Variants in CNKSR2 observed in about 807,000 individuals in gnomAD.
CNKSR2 encodes the protein connector enhancer of kinase suppressor of Ras 2, also known as CNK homolog protein 2.
CNKSR2 carries 14 observed loss-of-function variants against 84.4 expected under a neutral mutation model. That is an observed-to-expected ratio of 0.17 (90% CI 0.11 to 0.26). The LOEUF (loss-of-function observed/expected upper bound fraction) is 0.26, where lower values mean the gene tolerates loss of function less well. Among genes scored for constraint, CNKSR2 ranks in the 10% least tolerant of loss-of-function variants. CNKSR2 has a pLI of 1.00. For missense variants in CNKSR2, 485 were observed against 771.2 expected (o/e 0.63, Z 4.40); for synonymous variants, 275 against 277.9 (o/e 0.99, Z 0.10).
chrX:21,605,704 A>G (rs1045386247), intron 18 of CNKSR2, among the ~76,000 whole-genome samples: 14 of 112,055 alleles, frequency 1.2e-4, no homozygotes, highest in Admixed American at 4.7e-4. Flanking sequence ...ATTAATATTA[A>G]TCAGCACTGC....
chrX:21,636,560 A>T lies in CNKSR2; in HGVS notation c.2693-12271A>T, dbSNP rs1202409838. Among the ~76,000 whole-genome samples the T allele has an allele frequency of 1.2e-4, 13 of 111,373 alleles. No individual in the cohort carries two copies. In the Admixed American group the frequency reaches 1.3e-3, roughly 11 times the overall value. ...ACCCAGGAATGGTTATTTTTACTAA[A>T]CTTGTCTCATTGGAGTTTAATGTGA... is the stretch of plus-strand genomic sequence containing the variant. On this transcript the variant is annotated intron_variant, in intron 20 of 21. Coordinates refer to ENST00000379510, the MANE Select transcript of CNKSR2 (RefSeq NM_014927.5).
intron 13 of CNKSR2, among the ~76,000 whole-genome samples, chrX:21,575,331 T>TA (rs746030620): frequency 3.2e-4 from 35 of 108,193 alleles, no homozygotes; most frequent in Non-Finnish European, 5.6e-4. Context: ...GTTTTTTTAT[T>TA]AAAAAAAAAA....
At chrX:21,484,106 A>G (rs1000194026) in intron 5 of CNKSR2, among the ~76,000 whole-genome samples, 4 of 111,798 alleles carry the variant, frequency 3.6e-5, no homozygotes, top group Non-Finnish European at 7.5e-5. Flanking sequence ...CCTGGCCAAC[A>G]TGGTGAAACC....
Position 21,451,874 on chromosome X carries a change from G to A in CNKSR2, c.519+11093G>A, listed in dbSNP as rs112665341. On this transcript the variant is annotated intron_variant, in intron 4 of 21. Transcript: ENST00000379510. ...AATAATAAAATAAAATAAAAAGAAA[G>A]CATAAAATATGTAAAGCTAGTAGAG... Among the ~76,000 whole-genome samples, 1,085 of 110,812 alleles carry A rather than the reference G, an allele frequency of 9.8e-3. 14 individuals are homozygous for A. Among genetic ancestry groups the A allele is most frequent in the African/African-American group, 0.033 (998 of 30,497 alleles).
chrX:21,466,794 A>T (rs1192428226), intron 4 of CNKSR2, among the ~76,000 whole-genome samples: 4 of 111,222 alleles, frequency 3.6e-5, no homozygotes, highest in African/African-American at 1.3e-4. Context: ...CATGTTGGCC[A>T]GGCTGGTCTT....
chrX:21,499,323 A>G lies in CNKSR2; in HGVS notation c.741+1477A>G, dbSNP rs577426214. On this transcript the variant is annotated intron_variant, in intron 7 of 21. Transcript: ENST00000379510. ...TAAAATAACTAGTTTGGTGCCATCA[A>G]GGCGTGGAGAGCATGTGGGGGTTCA... is the stretch of plus-strand genomic sequence containing the variant. 4.6e-4 allele frequency among the ~76,000 whole-genome samples: 51 copies of G among 111,817 alleles called. 1 individual carries two copies. The South Asian group carries it at 0.019, about 41-fold the overall frequency.
chrX:21,451,281 A>G (rs1449866118), intron 4 of CNKSR2, among the ~76,000 whole-genome samples: 1 of 111,654 alleles, frequency 9.0e-6, no homozygotes, highest in African/African-American at 3.3e-5. Context: ...TAGCAAATAA[A>G]TAACTGATGA....
intron 1 of CNKSR2, among the ~76,000 whole-genome samples, chrX:21,378,194 G>A (rs1178733427): frequency 9.0e-6 from 1 of 111,331 alleles, no homozygotes; most frequent in African/African-American, 3.3e-5. Flanking sequence ...TGGCTATTTG[G>A]AGATATCTTA....
chrX:21,644,449 A>G (rs1316731550), intron 20 of CNKSR2: 1 of 111,996 alleles, frequency 8.9e-6, no homozygotes, highest in African/African-American at 3.2e-5. Context: ...GGATGTGAAA[A>G]TGGGGTGGAT....
At position 21,374,630 on chromosome X, in the gene CNKSR2, A is replaced by AGCAGCAGCAGCCGCC. The variant is rs547454548; in HGVS notation, c.-266_-265insAGCAGCAGCCGCCGC. 63 of 445,318 alleles carry AGCAGCAGCAGCCGCC rather than the reference A, an allele frequency of 1.4e-4. 1 individual carries two copies. Among genetic ancestry groups the AGCAGCAGCAGCCGCC allele is most frequent in the African/African-American group, 1.7e-4 (6 of 34,754 alleles). 36.7% of individuals were successfully genotyped at this position (445,318 alleles called of 1,213,427 possible). On this transcript the variant is annotated 5_prime_UTR_variant, in exon 1 of 22. Coordinates refer to ENST00000379510, the MANE Select transcript of CNKSR2 (RefSeq NM_014927.5). ...CAGCAGCAGCAGCAGCAGCAGCAGC[A>AGCAGCAGCAGCCGCC]GCCGCCGCCGCCGCCGCCTTAGCGG...
intron 20 of CNKSR2, among the ~76,000 whole-genome samples, chrX:21,635,264 C>T (rs1019469347): frequency 3.6e-4 from 39 of 108,538 alleles, no homozygotes; most frequent in Non-Finnish European, 5.7e-5. Flanking sequence ...TCTTTCTGAG[C>T]TTGCAATATT....
chrX:21,480,455 A>G (rs780520587), intron 5 of CNKSR2, among the ~76,000 whole-genome samples: 13 of 112,302 alleles, frequency 1.2e-4, no homozygotes, highest in African/African-American at 3.6e-4. Flanking sequence ...TGAGCTATCA[A>G]TATGTCCAGT....
chrX:21,410,321 T>G (rs2090326924), intron 1 of CNKSR2, among the ~76,000 whole-genome samples: 1 of 110,951 alleles, frequency 9.0e-6, no homozygotes, highest in Admixed American at 9.7e-5. Flanking sequence ...AATTAGAAAT[T>G]TGTAATTAAT....
intron 7 of CNKSR2, among the ~76,000 whole-genome samples, chrX:21,500,051 GT>G (rs1256124798): frequency 9.0e-6 from 1 of 110,759 alleles, no homozygotes; most frequent in Non-Finnish European, 1.9e-5. Flanking sequence ...TTTCAGAATT[GT>G]TTCATGGTAC....
At chrX:21,463,801 T>C (rs1234464618) in intron 4 of CNKSR2, among the ~76,000 whole-genome samples, 1 of 111,080 alleles carries the variant, frequency 9.0e-6, no homozygotes, top group Non-Finnish European at 1.9e-5. Flanking sequence ...CCTATCCTGC[T>C]GTGGCTGAGC....
chrX:21,390,623 T>C (rs991020071), intron 1 of CNKSR2, among the ~76,000 whole-genome samples: 14 of 111,347 alleles, frequency 1.3e-4, no homozygotes, highest in African/African-American at 3.6e-4. Flanking sequence ...TCCTCCAACA[T>C]TGGGGATTAC....
At chrX:21,382,880 A>G (rs2146948223) in intron 1 of CNKSR2, among the ~76,000 whole-genome samples, 1 of 112,224 alleles carries the variant, frequency 8.9e-6, no homozygotes, top group Non-Finnish European at 1.9e-5. Flanking sequence ...TTTGAAGGGC[A>G]CTTGTTAAGA....
intron 1 of CNKSR2, among the ~76,000 whole-genome samples, chrX:21,414,081 T>C (rs2090383203): frequency 9.0e-6 from 1 of 111,692 alleles, no homozygotes. Context: ...TTGGGGTGTA[T>C]ACCCAGCAGT....
At chrX:21,572,311 A>G (rs767076010) in intron 13 of CNKSR2, among the ~76,000 whole-genome samples, 15 of 112,152 alleles carry the variant, frequency 1.3e-4, no homozygotes, top group South Asian at 1.1e-3. Context: ...ACAAACTTCC[A>G]TTTTCACTTG....
Sources: gnomAD v4.1 joint callset for allele counts (sites outside exome capture counted in the v4.1 genomes callset) on GRCh38, gnomAD v4.1.1 for gene constraint, MANE v1.5 for transcripts, NCBI Gene and HGNC (gene_info 2026-07-23, HGNC 2026-07-21) for gene names.